The following CDH20 variants were observed in gnomAD, a reference collection of about 807,000 sequenced individuals.
The protein encoded by CDH20 is cadherin 20.
CDH20 carries 29 observed loss-of-function variants against 74.2 expected under a neutral mutation model. The observed-to-expected ratio is 0.39, with a 90% CI of 0.29 to 0.53. The LOEUF is 0.53. CDH20 is among the 20% of genes least tolerant of loss of function. The probability of loss-of-function intolerance (pLI) is 0.69; values close to 1 mark genes in which losing one functional copy is unlikely to be tolerated. For missense variants in CDH20, 988 were observed against 1,048.3 expected (o/e 0.94, Z 0.79); for synonymous variants, 469 against 405.4 (o/e 1.16, Z -1.88).
At chr18:61,386,808 A>T (rs1056917470) in intron 1 of CDH20, among the ~76,000 whole-genome samples, 3 of 152,198 alleles carry the variant, frequency 2.0e-5, no homozygotes, top group African/African-American at 2.4e-5. Flanking sequence ...AAGCTAAATT[A>T]AAAAAGGATA....
intron 10 of CDH20, among the ~76,000 whole-genome samples, chr18:61,547,225 G>A (rs536222959): frequency 9.2e-5 from 14 of 152,184 alleles, no homozygotes; most frequent in Non-Finnish European, 1.5e-4. Context: ...CTACTTGGGA[G>A]GCTAAGGTGG....
chr18:61,460,245 A>C (rs150441332), intron 1 of CDH20, among the ~76,000 whole-genome samples: 27 of 152,246 alleles, frequency 1.8e-4, no homozygotes, highest in African/African-American at 6.0e-4. Context: ...GAAACTGTTT[A>C]GGGGGGAAAA....
At chr18:61,514,394 C>A (rs997426190) in intron 6 of CDH20, among the ~76,000 whole-genome samples, 3 of 152,154 alleles carry the variant, frequency 2.0e-5, no homozygotes, top group Non-Finnish European at 4.4e-5. Context: ...TCTAGTTATA[C>A]ATTCTTCTAA....
chr18:61,422,963 G>A (rs983850763), intron 1 of CDH20, among the ~76,000 whole-genome samples: 78 of 152,204 alleles, frequency 5.1e-4, no homozygotes, highest in African/African-American at 1.8e-3. Flanking sequence ...CACAGAGAGC[G>A]CAATTGTTAT....
chr18:61,546,418 T>C (rs1913251399), intron 10 of CDH20, among the ~76,000 whole-genome samples: 1 of 152,194 alleles, frequency 6.6e-6, no homozygotes, highest in African/African-American at 2.4e-5. Context: ...ACTATAATAA[T>C]TCTGGAAGGA....
At chr18:61,431,162 G>A (rs1449197575) in intron 1 of CDH20, among the ~76,000 whole-genome samples, 1 of 152,060 alleles carries the variant, frequency 6.6e-6, no homozygotes, top group Non-Finnish European at 1.5e-5. Flanking sequence ...TTGCCTTCCT[G>A]CAACCTCCCC....
intron 1 of CDH20, among the ~76,000 whole-genome samples, chr18:61,360,830 A>G (rs11664910): frequency 0.29 from 43,578 of 152,158 alleles, 6,921 homozygotes; most frequent in Middle Eastern, 0.51. Flanking sequence ...GGGGAACAGC[A>G]TTTGCTAAAG....
intron 1 of CDH20, among the ~76,000 whole-genome samples, chr18:61,396,976 G>T (rs1011700568): frequency 1.3e-5 from 2 of 152,192 alleles, no homozygotes; most frequent in Middle Eastern, 3.2e-3. Context: ...TACTACGTAT[G>T]TTCCCGGGGA....
At chr18:61,410,692 A>G (rs1483692291) in intron 1 of CDH20, among the ~76,000 whole-genome samples, 1 of 152,262 alleles carries the variant, frequency 6.6e-6, no homozygotes, top group Non-Finnish European at 1.5e-5. Flanking sequence ...AAACAACTAA[A>G]TATTATTTGG....
chr18:61,461,780 T>C (rs949081135), intron 1 of CDH20, among the ~76,000 whole-genome samples: 1 of 152,062 alleles, frequency 6.6e-6, no homozygotes, highest in Non-Finnish European at 1.5e-5. Flanking sequence ...GGTCCAAATA[T>C]CCTCTAGAGG....
At chr18:61,339,701 T>TTTTTA (rs58434671) in intron 1 of CDH20, among the ~76,000 whole-genome samples, 2 of 122,946 alleles carry the variant, frequency 1.6e-5, no homozygotes, top group East Asian at 2.7e-4. Flanking sequence ...TTTTTTTTTT[T>TTTTTA]TTTTGAGATG....
chr18:61,540,502 A>AG (rs1912993480), intron 9 of CDH20, among the ~76,000 whole-genome samples: 1 of 152,230 alleles, frequency 6.6e-6, no homozygotes, highest in Non-Finnish European at 1.5e-5. Context: ...GGCAGCAGGC[A>AG]AGACAGACTA....
intron 1 of CDH20, among the ~76,000 whole-genome samples, chr18:61,413,611 C>T (rs1366409435): frequency 3.3e-5 from 5 of 151,952 alleles, no homozygotes; most frequent in Admixed American, 3.3e-4. Context: ...GACATCACAC[C>T]AGGGTGAAAA....
chr18:61,476,842 ATCTC>A (rs1414854857), intron 1 of CDH20, among the ~76,000 whole-genome samples: 1 of 152,144 alleles, frequency 6.6e-6, no homozygotes, highest in African/African-American at 2.4e-5. Flanking sequence ...CCATTTGGGA[ATCTC>A]TCTTTTTTGA....
At chr18:61,409,856 A>C (rs1912441978) in intron 1 of CDH20, among the ~76,000 whole-genome samples, 1 of 152,108 alleles carries the variant, frequency 6.6e-6, no homozygotes, top group Admixed American at 6.5e-5. Context: ...GTTGATTTGA[A>C]TTAGGCAAAA....
At chr18:61,345,034 A>ATTCTG (rs1910069703) in intron 1 of CDH20, among the ~76,000 whole-genome samples, 2 of 152,208 alleles carry the variant, frequency 1.3e-5, no homozygotes, top group South Asian at 4.1e-4. Flanking sequence ...CCTCTAAACC[A>ATTCTG]TTCTGCCAGT....
intron 1 of CDH20, among the ~76,000 whole-genome samples, chr18:61,400,546 CT>C (rs1912123052): frequency 6.6e-6 from 1 of 152,154 alleles, no homozygotes; most frequent in Non-Finnish European, 1.5e-5. Flanking sequence ...AAAGGAAATC[CT>C]GCTACCACAG....
chr18:61,511,212 A>T (rs1599136492), intron 6 of CDH20, among the ~76,000 whole-genome samples: 1 of 143,330 alleles, frequency 7.0e-6, no homozygotes, highest in Non-Finnish European at 1.5e-5. Context: ...GCTGGAGTGC[A>T]ATGGCATGCT....
chr18:61,357,128 G>C (rs1423810069), intron 1 of CDH20, among the ~76,000 whole-genome samples: 1 of 152,162 alleles, frequency 6.6e-6, no homozygotes, highest in Non-Finnish European at 1.5e-5. Context: ...CCTCCCTGCT[G>C]TCTCATTTAC....
Sources: allele counts gnomAD v4.1 joint callset (sites outside exome capture counted in the v4.1 genomes callset), GRCh38; gene constraint gnomAD v4.1.1; transcripts MANE v1.5; gene names NCBI Gene and HGNC (gene_info 2026-07-23, HGNC 2026-07-21).